The following C1QL1 variants were observed in gnomAD, a reference collection of about 807,000 sequenced individuals.
C1QL1 encodes complement C1q like 1.
A neutral mutation model predicts 14.2 loss-of-function variants in C1QL1; 15 were observed. The observed-to-expected ratio is 1.06, with a 90% CI of 0.71 to 1.62. The LOEUF is 1.62. C1QL1 is among the 40% of genes most tolerant of loss of function. C1QL1 has a pLI of 0.00. For synonymous variants in C1QL1, 172 were observed against 172.4 expected (o/e 1.00, Z 0.02); for missense variants, 346 against 380.3 (o/e 0.91, Z 0.75).
chr17:44,967,576 T>C lies in C1QL1; in HGVS notation c.473A>G (p.Asn158Ser), dbSNP rs761870278. The C allele has an allele frequency of 6.2e-7, 1 of 1,614,058 alleles. No individual in the cohort carries two copies. The highest frequency in any genetic ancestry group is 8.5e-7 in the Non-Finnish European group (1 of 1,179,940). The change falls in exon 1 of 2, where the codon AAC (asparagine) becomes AGC (serine). Residue 158 changes from asparagine (N) to serine (S), a missense_variant. By Grantham distance (46) the Asn-to-Ser change is conservative. Coordinates refer to ENST00000253407, the MANE Select transcript of C1QL1 (RefSeq NM_006688.5). This position sits in a 1 kb window ranked among gnomAD's most constrained non-coding sequence, Gnocchi z 7.0. ...AAACTTGCCGCTGGCCGCGTCGTAG[T>C]TGTTGCCTAGGTTGGTGACCACGTC... ...FDDVVTNLGNNYDAASGKFTC... is the reference protein window; with the variant it reads ...FDDVVTNLGNSYDAASGKFTC...
chr17:44,967,731 GC>G lies in C1QL1; in HGVS notation c.317del (p.Gly106AlafsTer50). 1.2e-6 allele frequency: 2 copies of G among 1,603,204 alleles called. No individual in the cohort carries two copies. The highest frequency in any genetic ancestry group is 1.7e-6 in the Non-Finnish European group (2 of 1,176,862). The part of the protein sequence containing the change: ...PGEKGEPGKP[G>X]PPGLPGAGGS... ...CCCCCGCGCCCGGCAGCCCCGGAGG[GC>G]CCGGCTTGCCTGGCTCACCCTTCTC... On this transcript the variant is annotated frameshift_variant, in exon 1 of 2. Coordinates refer to ENST00000253407, the MANE Select transcript of C1QL1 (RefSeq NM_006688.5). LOFTEE classifies it high-confidence loss of function. This position sits in a 1 kb window ranked among gnomAD's most constrained non-coding sequence, Gnocchi z 7.0.
chr17:44,961,885 T>A (rs1597909102), intron 1 of C1QL1, among the ~76,000 whole-genome samples: 1 of 115,226 alleles, frequency 8.7e-6, no homozygotes. Context: ...AGAGCGAGAC[T>A]CCGTCTCAAA....
In C1QL1 at chr17:44,967,527, G is replaced by C. The variant is rs1241749427; in HGVS notation, c.522C>G (p.Tyr174Ter). The change falls in exon 1 of 2, where the codon TAC becomes TAG. Residue 174 changes from tyrosine to a stop codon, truncating the protein, a stop_gained. Transcript: ENST00000253407. LOFTEE classifies it high-confidence loss of function. This position sits in a 1 kb window ranked among gnomAD's most constrained non-coding sequence, Gnocchi z 7.0. ...GCATGAGGACATGGTAGGTGAAAAA[G>C]TAGGTGCCGGGAATGTTGCACGTAA... is the stretch of plus-strand genomic sequence containing the variant. ...GKFTCNIPGT[Y>*]FFTYHVLMRG... 1 of 1,614,080 alleles carries C rather than the reference G, an allele frequency of 6.2e-7. No individual in the cohort carries two copies. The highest frequency in any genetic ancestry group is 1.7e-5 in the Admixed American group (1 of 60,028).
chr17:44,964,925 C>T (rs2052649174), intron 1 of C1QL1, among the ~76,000 whole-genome samples: 1 of 152,046 alleles, frequency 6.6e-6, no homozygotes, highest in Non-Finnish European at 1.5e-5. Context: ...ATTGCAACCT[C>T]TGCCTCCTGG....
chr17:44,964,540 C>G (rs904445052), intron 1 of C1QL1, among the ~76,000 whole-genome samples: 23 of 152,318 alleles, frequency 1.5e-4, no homozygotes, highest in African/African-American at 5.3e-4. Flanking sequence ...ATTTGGGGAC[C>G]AAAGTCATCA....
At chr17:44,964,737 G>A (rs2052647534) in intron 1 of C1QL1, among the ~76,000 whole-genome samples, 1 of 152,234 alleles carries the variant, frequency 6.6e-6, no homozygotes, top group Non-Finnish European at 1.5e-5. Context: ...GATCAAATGA[G>A]TCTCTTGGGC....
chr17:44,966,772 A>G (rs867275272), intron 1 of C1QL1, among the ~76,000 whole-genome samples: 2 of 43,220 alleles, frequency 4.6e-5, no homozygotes, highest in Non-Finnish European at 1.0e-4. Flanking sequence ...CCCACCCCCC[A>G]CCCCCTCCCC....
At chr17:44,966,230 A>G (rs1007896443) in intron 1 of C1QL1, among the ~76,000 whole-genome samples, 2 of 152,218 alleles carry the variant, frequency 1.3e-5, no homozygotes, top group African/African-American at 4.8e-5. Flanking sequence ...GGGCTGACTT[A>G]TAAGCACCTG....
At chr17:44,963,758 A>G (rs915138317) in intron 1 of C1QL1, among the ~76,000 whole-genome samples, 6 of 151,960 alleles carry the variant, frequency 3.9e-5, no homozygotes, top group African/African-American at 1.5e-4. Context: ...CCTTCAATTT[A>G]TATATGCCAG....
In C1QL1 at chr17:44,960,112, G is replaced by A; in HGVS notation, c.*76C>T. On this transcript the variant is annotated 3_prime_UTR_variant, in exon 2 of 2. Transcript: ENST00000253407. ...GCCGGGCAGCGAGCGGGTGGGCGAG[G>A]GGCGAGTCATCGTCTGCCCCGCCCG... 2.2e-6 allele frequency: 3 copies of A among 1,357,100 alleles called. No homozygotes were observed. The highest frequency in any genetic ancestry group is 3.1e-6 in the Non-Finnish European group (3 of 958,042). 84.1% of individuals were successfully genotyped at this position (1,357,100 alleles called of 1,614,324 possible). A position where few individuals can be genotyped will look rare whatever the true frequency, so the allele number is the denominator to read the frequency against.
intron 1 of C1QL1, among the ~76,000 whole-genome samples, chr17:44,962,978 C>A (rs866833722): frequency 9.2e-5 from 14 of 152,174 alleles, no homozygotes; most frequent in South Asian, 2.1e-4. Context: ...AGAATGGAAC[C>A]CAGGGGTCCC....
chr17:44,967,892 T>G lies in C1QL1; in HGVS notation c.157A>C (p.Ser53Arg), dbSNP rs1441991429. 5 of 1,253,506 alleles carry G rather than the reference T, an allele frequency of 4.0e-6. No homozygotes were observed. The East Asian group carries it at 1.6e-4, about 41-fold the overall frequency. 77.6% of individuals were successfully genotyped at this position (1,253,506 alleles called of 1,614,324 possible). A position where few individuals can be genotyped will look rare whatever the true frequency, so the allele number is the denominator to read the frequency against. Residue 53 changes from serine to arginine, a missense_variant, in exon 1 of 2, where the codon AGC (serine) becomes CGC (arginine). Physicochemically the swap from Ser to Arg is moderately radical, Grantham distance 110. Coordinates refer to ENST00000253407, the MANE Select transcript of C1QL1 (RefSeq NM_006688.5). The surrounding 1 kb of genome is among the most constrained non-coding windows in gnomAD (Gnocchi z 7.0). ...GARTDGGDAL[S>R]EQSGAPPPST... ...GGCGGGGGCGCGCCGCTCTGCTCGC[T>G]CAGGGCGTCGCCGCCGTCGGTCCGC...
chr17:44,967,398 G>T lies in C1QL1; in HGVS notation c.597+54C>A. ...CTCCGATCAGGTACCCATTTGCCCC[G>T]GGCTCCCTGGGTGCCCTGGGCCCAG... On this transcript the variant is annotated intron_variant, in intron 1 of 1. Coordinates refer to ENST00000253407, the MANE Select transcript of C1QL1 (RefSeq NM_006688.5). This position sits in a 1 kb window ranked among gnomAD's most constrained non-coding sequence, Gnocchi z 7.0. 1 of 1,563,536 alleles carries T rather than the reference G, an allele frequency of 6.4e-7. No individual in the cohort carries two copies.
rs911857609 is a variant in C1QL1 at position 44,960,278 on chromosome 17, C to T, written c.687G>A (p.Glu229=). The T allele has an allele frequency of 1.2e-6, 2 of 1,614,200 alleles. No homozygotes were observed. Among genetic ancestry groups the T allele is most frequent in the Non-Finnish European group, 1.7e-6 (2 of 1,180,012 alleles). The change falls in exon 2 of 2, where the codon GAG becomes GAA. Residue 229 remains glutamate, a synonymous_variant. Coordinates refer to ENST00000253407, the MANE Select transcript of C1QL1 (RefSeq NM_006688.5). ...TGCCTCCATCCAGCTTGATGAAGACCTCGTCGCCGGCGTCCAGGTGCAGGA... is the reference window on the plus strand; with the variant it reads ...TGCCTCCATCCAGCTTGATGAAGACTTCGTCGCCGGCGTCCAGGTGCAGGA... ...SVILHLDAGD[E]VFIKLDGGKA... is the part of the protein sequence containing the mutation.
Position 44,967,308 on chromosome 17 carries a change from T to A in C1QL1, c.597+144A>T. 1 of 854,984 alleles carries A rather than the reference T, an allele frequency of 1.2e-6. No individual in the cohort carries two copies. Among genetic ancestry groups the A allele is most frequent in the South Asian group, 1.6e-5 (1 of 64,120 alleles). 53.0% of individuals were successfully genotyped at this position (854,984 alleles called of 1,614,324 possible). A position where few individuals can be genotyped will look rare whatever the true frequency, so the allele number is the denominator to read the frequency against. On this transcript the variant is annotated intron_variant, in intron 1 of 1. Coordinates refer to ENST00000253407, the MANE Select transcript of C1QL1 (RefSeq NM_006688.5). This position sits in a 1 kb window ranked among gnomAD's most constrained non-coding sequence, Gnocchi z 7.0. ...CGCTGGCTCCGACCATCCCCACACG[T>A]GATGACCAAGCGGGGCCGCTGTGGG...
chr17:44,967,734 C>T lies in C1QL1; in HGVS notation c.315G>A (p.Pro105=), dbSNP rs1227655198. Residue 105 remains proline, a synonymous_variant, in exon 1 of 2, where the codon CCG becomes CCA. Coordinates refer to ENST00000253407, the MANE Select transcript of C1QL1 (RefSeq NM_006688.5). This position sits in a 1 kb window ranked among gnomAD's most constrained non-coding sequence, Gnocchi z 7.0. The part of the protein sequence containing the change: ...PPGEKGEPGK[P]GPPGLPGAGG... ...CCGCGCCCGGCAGCCCCGGAGGGCC[C>T]GGCTTGCCTGGCTCACCCTTCTCCC... 1.1e-5 allele frequency: 18 copies of T among 1,601,824 alleles called. No individual in the cohort carries two copies. The highest frequency in any genetic ancestry group is 5.1e-5 in the Admixed American group (3 of 59,332).
At position 44,967,652 on chromosome 17, in the gene C1QL1, A is replaced by T. The variant is rs917345882; in HGVS notation, c.397T>A (p.Tyr133Asn). 6 of 1,613,680 alleles carry T rather than the reference A, an allele frequency of 3.7e-6. No homozygotes were observed. The highest frequency in any genetic ancestry group is 5.1e-6 in the Non-Finnish European group (6 of 1,179,870). ...TCGTGGGGGTTCTTGAGGCCGGCGT[A>T]GAAGGCCACGCGCGGCACCGTGGTG... is the stretch of plus-strand genomic sequence containing the variant. ...TYTTVPRVAFYAGLKNPHEGY... is the reference protein window; with the variant it reads ...TYTTVPRVAFNAGLKNPHEGY... Residue 133 changes from tyrosine (Y) to asparagine (N), a missense_variant, in exon 1 of 2, where the codon TAC (tyrosine) becomes AAC (asparagine). By Grantham distance (143) the Tyr-to-Asn change is moderately radical. Transcript: ENST00000253407. The surrounding 1 kb of genome is among the most constrained non-coding windows in gnomAD (Gnocchi z 7.0).
chr17:44,960,364 G>A lies in C1QL1; in HGVS notation c.601C>T (p.Arg201Trp). 6.2e-7 allele frequency: 1 copy of A among 1,612,306 alleles called. No homozygotes were observed. The highest frequency in any genetic ancestry group is 8.5e-7 in the Non-Finnish European group (1 of 1,179,008). The change falls in exon 2 of 2, where the codon CGG (arginine) becomes TGG (tryptophan). Residue 201 changes from arginine to tryptophan, a missense_variant. Arg to Trp is a moderately radical substitution (Grantham distance 101, BLOSUM62 -3). Transcript: ENST00000253407. Reference sequence around the variant, plus strand: ...GCGTCCTGGGCAATAGCACTGGCCCGCACCTGCGGGTGGGGGACACGGGAG... The same window carrying A: ...GCGTCCTGGGCAATAGCACTGGCCCACACCTGCGGGTGGGGGACACGGGAG... ...WADLCKNGQV[R>W]ASAIAQDADQ...
intron 1 of C1QL1, among the ~76,000 whole-genome samples, chr17:44,962,003 T>C (rs1405107221): frequency 6.6e-6 from 1 of 151,856 alleles, no homozygotes; most frequent in African/African-American, 2.4e-5. Flanking sequence ...AGTCCTGAGT[T>C]TGAGGATCGG....
Sources: gnomAD v4.1 joint callset for allele counts (sites outside exome capture counted in the v4.1 genomes callset) on GRCh38, gnomAD v4.1.1 for gene constraint, Gnocchi (gnomAD v3.1) non-coding constraint, MANE v1.5 for transcripts, NCBI Gene and HGNC (gene_info 2026-07-23, HGNC 2026-07-21) for gene names.